The following PVR variants were observed in gnomAD, a reference collection of about 807,000 sequenced individuals.
PVR encodes poliovirus receptor.
Under a neutral mutation model 43.3 loss-of-function variants are expected in PVR, and 39 were observed. That is an observed-to-expected ratio of 0.90 (90% CI 0.70 to 1.18). The LOEUF (loss-of-function observed/expected upper bound fraction) is 1.18. Among genes scored for constraint, PVR ranks in the 50% most tolerant of loss-of-function variants. The probability of loss-of-function intolerance (pLI) is 0.00; values close to 1 mark genes in which losing one functional copy is unlikely to be tolerated. For missense variants in PVR, 480 were observed against 549.7 expected, an observed-to-expected ratio of 0.87 and a Z score of 1.27; for synonymous variants, 224 against 233.2, an observed-to-expected ratio of 0.96 and a Z score of 0.36.
At chr19:44,656,087 T>A (rs1348482130) in intron 4 of PVR, among the ~76,000 whole-genome samples, 2 of 151,766 alleles carry the variant, frequency 1.3e-5, no homozygotes, top group Non-Finnish European at 2.9e-5. Flanking sequence ...AAAAAAAAAA[T>A]TCAAAGAATA....
rs1357662511 is a variant in PVR at position 44,661,951 on chromosome 19, GC to G, written c.*141del. ...TGTGCCAGACCTCAAAACGACGGGG[GC>G]AGGTGCAAGTTCATAGGTCTCCAAG... On this transcript the variant is annotated 3_prime_UTR_variant, in exon 8 of 8. Transcript: ENST00000425690. 1.4e-6 allele frequency: 1 copy of G among 720,696 alleles called. No individual in the cohort carries two copies. Among genetic ancestry groups the G allele is most frequent in the Non-Finnish European group, 2.3e-6 (1 of 428,044 alleles). 44.6% of individuals were successfully genotyped at this position (720,696 alleles called of 1,614,324 possible). A position where few individuals can be genotyped will look rare whatever the true frequency, so the allele number is the denominator to read the frequency against.
chr19:44,654,052 G>A, intron 4 of PVR, 35 bp downstream of exon 4: 3 of 1,527,570 alleles, frequency 2.0e-6, no homozygotes, highest in Non-Finnish European at 2.7e-6. Context: ...GGGGCTGGGG[G>A]TCTGGATTTC....
chr19:44,659,511 C>A (rs1221217993), intron 6 of PVR, among the ~76,000 whole-genome samples: 1 of 152,088 alleles, frequency 6.6e-6, no homozygotes, highest in Non-Finnish European at 1.5e-5. Flanking sequence ...TTGAGACAGG[C>A]TCTCACTGTC....
rs1283833518 is a variant in PVR at position 44,665,710 on chromosome 19, T to G, written c.*3899T>G. On this transcript the variant is annotated 3_prime_UTR_variant, in exon 8 of 8. Coordinates refer to ENST00000425690, the MANE Select transcript of PVR (RefSeq NM_006505.5). Reference sequence around the variant, plus strand: ...GCACAGCATGCAGGCCCAGTTCTGCTGCTCTGCTGTTTGTTCTGCTTTCCT... The same window carrying G: ...GCACAGCATGCAGGCCCAGTTCTGCGGCTCTGCTGTTTGTTCTGCTTTCCT... The G allele has an allele frequency of 6.6e-6, 1 of 151,754 alleles. No homozygotes were observed. The highest frequency in any genetic ancestry group is 1.5e-5 in the Non-Finnish European group (1 of 68,246). 9.4% of individuals were successfully genotyped at this position (151,754 alleles called of 1,614,324 possible). A position where few individuals can be genotyped will look rare whatever the true frequency, so the allele number is the denominator to read the frequency against.
chr19:44,661,818 CG>C lies in PVR; in HGVS notation c.*10del. On this transcript the variant is annotated 3_prime_UTR_variant, in exon 8 of 8. Transcript: ENST00000425690. ...GACAGAGGGCACAAGGTGACAGCGT[CG>C]GGACTGAGAGGGGAGAGAGACTGGA... The C allele has an allele frequency of 6.2e-7, 1 of 1,613,480 alleles. No homozygotes were observed.
chr19:44,645,409 T>A (rs1973082567), intron 1 of PVR, among the ~76,000 whole-genome samples: 1 of 53,728 alleles, frequency 1.9e-5, no homozygotes, highest in African/African-American at 1.1e-4. Context: ...TATTTATATG[T>A]TTTGTGTATA....
intron 1 of PVR, 34 bp from the exon 2 acceptor site, chr19:44,647,189 C>G: frequency 6.7e-7 from 1 of 1,482,626 alleles, no homozygotes; most frequent in Non-Finnish European, 9.0e-7. Flanking sequence ...CAAGAACGCC[C>G]CGGGTCTGAC....
chr19:44,663,097 G>A lies in PVR; in HGVS notation c.*1286G>A, dbSNP rs1973627624. The A allele has an allele frequency of 6.6e-6, 1 of 152,408 alleles. No individual in the cohort carries two copies. The allele number at this position is 152,408 out of a possible 1,614,324, so 9.4% of individuals were successfully genotyped here. ...TGCAATTTCCAACACAAGGGGGAAG[G>A]GATGCAGGGGGAGGCAGCGCTGCAG... On this transcript the variant is annotated 3_prime_UTR_variant, in exon 8 of 8. Transcript: ENST00000425690.
At position 44,657,835 on chromosome 19, in the gene PVR, A is replaced by G. The variant is rs141402342; in HGVS notation, c.916A>G (p.Ile306Val). 12 of 1,613,858 alleles carry G rather than the reference A, an allele frequency of 7.4e-6. No homozygotes were observed. Among genetic ancestry groups the G allele is most frequent in the Middle Eastern group, 1.6e-4 (1 of 6,080 alleles). ...CCTGATCCGTCCTGTGGACAAACCAATCAACACAACTTTAATCTGCAACGT... is the reference window on the plus strand; with the variant it reads ...CCTGATCCGTCCTGTGGACAAACCAGTCAACACAACTTTAATCTGCAACGT... Reference protein sequence around the residue: ...QLLIRPVDKPINTTLICNVTN... With the variant: ...QLLIRPVDKPVNTTLICNVTN... The change falls in exon 5 of 8, where the codon ATC (isoleucine) becomes GTC (valine). Residue 306 changes from isoleucine to valine, a missense_variant. Ile to Val is a conservative substitution (Grantham distance 29). Coordinates refer to ENST00000425690, the MANE Select transcript of PVR (RefSeq NM_006505.5).
intron 3 of PVR, among the ~76,000 whole-genome samples, chr19:44,651,921 C>T (rs772044272): frequency 6.6e-6 from 1 of 151,208 alleles, no homozygotes; most frequent in African/African-American, 2.4e-5. Context: ...TTTGGGAGGC[C>T]GAGGCAGGTG....
At chr19:44,660,822 C>A (rs998468637) in intron 6 of PVR, among the ~76,000 whole-genome samples, 2 of 151,966 alleles carry the variant, frequency 1.3e-5, no homozygotes, top group African/African-American at 4.8e-5. Context: ...CCACGCCTGG[C>A]CAAGAGCAGG....
intron 4 of PVR, among the ~76,000 whole-genome samples, chr19:44,655,322 C>T (rs1297517013): frequency 2.0e-5 from 3 of 152,196 alleles, no homozygotes; most frequent in Non-Finnish European, 4.4e-5. Context: ...CTCCTGGGCT[C>T]AAGCAATCAA....
intron 2 of PVR, 28 bp from the exon 3 acceptor site, chr19:44,649,781 G>T: frequency 2.5e-6 from 4 of 1,609,834 alleles, no homozygotes; most frequent in South Asian, 1.1e-5. Context: ...TTCATTGAAT[G>T]ACTTGTTGCT....
rs1973594028 is a variant in PVR, at chr19:44,661,652, C to T, written c.1183-88C>T. 6.7e-6 allele frequency: 8 copies of T among 1,193,766 alleles called. No homozygotes were observed. In the South Asian group the frequency reaches 8.8e-5, roughly 13 times the overall value. The allele number at this position is 1,193,766 out of a possible 1,614,324, so 73.9% of individuals were successfully genotyped here. ...AGGGAGAGAGGAGGGGACGGGCCTG[C>T]AGTTCTTTGCACATGGGGCTTCAGT... On this transcript the variant is annotated intron_variant, in intron 7 of 7. Coordinates refer to ENST00000425690, the MANE Select transcript of PVR (RefSeq NM_006505.5).
In PVR at chr19:44,644,095, G is replaced by A; in HGVS notation, c.-2G>A. ...GAGGCCCAGCTGCTCGGAGCAACTG[G>A]CATGGCCCGAGCCATGGCCGCCGCG... On this transcript the variant is annotated 5_prime_UTR_variant, in exon 1 of 8. Transcript: ENST00000425690. 6.6e-7 allele frequency: 1 copy of A among 1,514,210 alleles called. No individual in the cohort carries two copies. Among genetic ancestry groups the A allele is most frequent in the Admixed American group, 2.0e-5 (1 of 49,040 alleles). 93.8% of individuals were successfully genotyped at this position (1,514,210 alleles called of 1,614,324 possible). A position where few individuals can be genotyped will look rare whatever the true frequency, so the allele number is the denominator to read the frequency against.
chr19:44,653,797 T>C, intron 3 of PVR, 103 bp from the exon 4 acceptor site: 1 of 795,894 alleles, frequency 1.3e-6, no homozygotes, highest in Non-Finnish European at 2.2e-6. Context: ...CCCGCTGTTT[T>C]CCAAATATCC....
rs1226287517 is a variant in PVR, at chr19:44,643,915, C to G, written c.-182C>G. ...CGCCAACTCCCCTCCGCTCCAGTCACTTGTCTGGAGCTTGAAGAAGTGGGT... is the reference window on the plus strand; with the variant it reads ...CGCCAACTCCCCTCCGCTCCAGTCAGTTGTCTGGAGCTTGAAGAAGTGGGT... On this transcript the variant is annotated 5_prime_UTR_variant, in exon 1 of 8. Transcript: ENST00000425690. 3.6e-5 allele frequency: 19 copies of G among 533,118 alleles called. No homozygotes were observed. The highest frequency in any genetic ancestry group is 5.8e-5 in the Non-Finnish European group (18 of 310,078). The allele number at this position is 533,118 out of a possible 1,614,324, so 33.0% of individuals were successfully genotyped here.
Position 44,663,808 on chromosome 19 carries a change from G to A in PVR, c.*1997G>A, listed in dbSNP as rs1973644499. Among the ~76,000 whole-genome samples, 1 of 151,992 alleles carries A rather than the reference G, an allele frequency of 6.6e-6. No individual in the cohort carries two copies. Among genetic ancestry groups the A allele is most frequent in the Admixed American group, 6.6e-5 (1 of 15,262 alleles). On this transcript the variant is annotated 3_prime_UTR_variant, in exon 8 of 8. Coordinates refer to ENST00000425690, the MANE Select transcript of PVR (RefSeq NM_006505.5). The stretch of plus-strand genomic sequence containing the variant: ...TGTCTCCTGTCACCCAGGCTGGAGT[G>A]CAATGGCACGATCATAGCTCATTGC...
intron 7 of PVR, 134 bp from the exon 8 acceptor site, chr19:44,661,606 A>G (rs539058492): frequency 4.3e-5 from 35 of 815,164 alleles, no homozygotes; most frequent in Middle Eastern, 4.7e-4. Flanking sequence ...CCACACCTTG[A>G]GAAGCACTGC....
Sources: gnomAD v4.1 joint callset for allele counts (sites outside exome capture counted in the v4.1 genomes callset) on GRCh38, gnomAD v4.1.1 for gene constraint, MANE v1.5 for transcripts, NCBI Gene and HGNC (gene_info 2026-07-23, HGNC 2026-07-21) for gene names.